Variants in KCNQ5 observed in about 807,000 individuals in gnomAD.
KCNQ5 encodes the protein potassium voltage-gated channel subfamily Q member 5.
Under a neutral mutation model 98.2 loss-of-function variants are expected in KCNQ5, and 30 were observed. The observed-to-expected ratio is 0.31, with a 90% CI of 0.23 to 0.41. The LOEUF is 0.41. Ranked by LOEUF, KCNQ5 falls within the 10% of genes least tolerant of loss-of-function variation. The probability of loss-of-function intolerance (pLI) is 1.00; values close to 1 mark genes in which losing one functional copy is unlikely to be tolerated. For missense variants in KCNQ5, 835 were observed against 1,182.5 expected, an observed-to-expected ratio of 0.71 and a Z score of 4.31; for synonymous variants, 458 against 449.4, an observed-to-expected ratio of 1.02 and a Z score of -0.24.
intron 10 of KCNQ5, among the ~76,000 whole-genome samples, chr6:73,137,877 T>TC (rs1350522661): frequency 6.6e-6 from 1 of 152,084 alleles, no homozygotes; most frequent in Non-Finnish European, 1.5e-5. Flanking sequence ...TTTCATTTCT[T>TC]CCCCTCCCCC....
chr6:72,866,278 C>T (rs1312174928), intron 1 of KCNQ5, among the ~76,000 whole-genome samples: 10 of 108,898 alleles, frequency 9.2e-5, no homozygotes, highest in East Asian at 9.0e-4. Context: ...TTTTTTGAAA[C>T]GGTCTCACTC....
intron 1 of KCNQ5, among the ~76,000 whole-genome samples, chr6:72,746,062 T>G (rs1771381590): frequency 1.3e-5 from 1 of 74,432 alleles, no homozygotes; most frequent in African/African-American, 5.8e-5. Context: ...AGACTCTATT[T>G]GCAAAAAAAA....
chr6:72,828,489 T>G (rs185868706), intron 1 of KCNQ5, among the ~76,000 whole-genome samples: 66 of 152,272 alleles, frequency 4.3e-4, no homozygotes, highest in Admixed American at 7.2e-4. Context: ...TTGTAGCTAT[T>G]GTAAATGAGA....
chr6:72,831,740 AT>A (rs35875911), intron 1 of KCNQ5, among the ~76,000 whole-genome samples: 31,588 of 146,740 alleles, frequency 0.22, 3,942 homozygotes, highest in Non-Finnish European at 0.28. Context: ...TAAAAAAAAA[AT>A]AAAATAAAAT....
intron 1 of KCNQ5, among the ~76,000 whole-genome samples, chr6:72,686,749 T>G (rs1436825235): frequency 6.6e-6 from 1 of 150,710 alleles, no homozygotes; most frequent in Non-Finnish European, 1.5e-5. Context: ...CTTTTAAGTC[T>G]TTGATACATC....
intron 1 of KCNQ5, among the ~76,000 whole-genome samples, chr6:72,724,224 T>A (rs955573399): frequency 6.6e-6 from 1 of 152,184 alleles, no homozygotes; most frequent in Non-Finnish European, 1.5e-5. Flanking sequence ...TTGGTAGTAA[T>A]ACTACTTTTG....
At chr6:73,087,109 G>T (rs972121710) in intron 5 of KCNQ5, among the ~76,000 whole-genome samples, 1 of 152,146 alleles carries the variant, frequency 6.6e-6, no homozygotes, top group Non-Finnish European at 1.5e-5. Flanking sequence ...TTTTTAGATG[G>T]AAATAAGAAA....
At chr6:72,894,158 C>T (rs1338036682) in intron 1 of KCNQ5, among the ~76,000 whole-genome samples, 49 of 152,268 alleles carry the variant, frequency 3.2e-4, no homozygotes, top group African/African-American at 1.2e-3. Flanking sequence ...TAACATTTAT[C>T]ATCTCTATTG....
chr6:73,063,729 A>AGATAGATAGAT (rs1562156368), intron 3 of KCNQ5, among the ~76,000 whole-genome samples: 23 of 110,610 alleles, frequency 2.1e-4, no homozygotes, highest in African/African-American at 3.0e-4. Flanking sequence ...GATGATAGAT[A>AGATAGATAGAT]GATAGATAGA....
At chr6:73,041,832 A>C (rs1771717139) in intron 2 of KCNQ5, 104 bp from the exon 3 acceptor site, 1 of 1,250,678 alleles carries the variant, frequency 8.0e-7, no homozygotes, top group African/African-American at 1.5e-5. Flanking sequence ...TAACAACTAG[A>C]TCCTTTAGAC....
intron 1 of KCNQ5, among the ~76,000 whole-genome samples, chr6:72,634,716 C>T (rs2098922975): frequency 6.6e-6 from 1 of 152,108 alleles, no homozygotes; most frequent in Non-Finnish European, 1.5e-5. Flanking sequence ...TAGGCTCCCG[C>T]CACCACGCCT....
At chr6:72,655,631 G>A (rs960667868) in intron 1 of KCNQ5, among the ~76,000 whole-genome samples, 2 of 152,132 alleles carry the variant, frequency 1.3e-5, no homozygotes, top group Non-Finnish European at 2.9e-5. Context: ...GTTGACTGAA[G>A]AAAAAGGGAC....
At position 72,770,975 on chromosome 6, in the gene KCNQ5, C is replaced by T. The variant is rs1450157171; in HGVS notation, c.398+148388C>T. Among the ~76,000 whole-genome samples, 4 of 152,014 alleles carry T rather than the reference C, an allele frequency of 2.6e-5. No individual in the cohort carries two copies. In the East Asian group the frequency reaches 5.8e-4, roughly 22 times the overall value. ...GAGAGAAATATGAAATTCTCTCAGC[C>T]CTCAAGGGACCCTCGATCTAGAAGG... On this transcript the variant is annotated intron_variant, in intron 1 of 13. Coordinates refer to ENST00000370398, the MANE Select transcript of KCNQ5 (RefSeq NM_019842.4).
chr6:73,074,093 T>C (rs1430656253), intron 3 of KCNQ5, among the ~76,000 whole-genome samples: 2 of 152,228 alleles, frequency 1.3e-5, no homozygotes, highest in Non-Finnish European at 2.9e-5. Flanking sequence ...ATTTATCTTA[T>C]TTAAATATTT....
intron 1 of KCNQ5, among the ~76,000 whole-genome samples, chr6:72,787,610 A>C (rs928549463): frequency 6.6e-6 from 1 of 152,186 alleles, no homozygotes; most frequent in African/African-American, 2.4e-5. Flanking sequence ...GTTGTGTGGA[A>C]ATCATGGATG....
At chr6:72,928,324 C>T (rs1765534861) in intron 1 of KCNQ5, among the ~76,000 whole-genome samples, 1 of 151,970 alleles carries the variant, frequency 6.6e-6, no homozygotes, top group Non-Finnish European at 1.5e-5. Context: ...AAAATATGCC[C>T]AGTGATGTAG....
intron 1 of KCNQ5, among the ~76,000 whole-genome samples, chr6:72,854,758 T>TTGTGTGTGTGTGTGTGTGTGTGTG (rs34867008): frequency 1.6e-3 from 206 of 127,142 alleles, no homozygotes; most frequent in African/African-American, 5.9e-3. Flanking sequence ...ACACCATGGT[T>TTGTGTGTGTGTGTGTGTGTGTGTG]TGTGTGTGTG....
intron 2 of KCNQ5, among the ~76,000 whole-genome samples, chr6:73,038,029 T>C (rs571852921): frequency 1.4e-4 from 21 of 152,222 alleles, no homozygotes; most frequent in African/African-American, 5.1e-4. Flanking sequence ...TCCTCACTTA[T>C]TTAGGTCTTT....
intron 1 of KCNQ5, among the ~76,000 whole-genome samples, chr6:72,781,561 C>T (rs1198082448): frequency 1.3e-5 from 2 of 152,128 alleles, no homozygotes; most frequent in Non-Finnish European, 2.9e-5. Flanking sequence ...TTGCATTTCA[C>T]TGTCATTTGC....
Sources: gnomAD v4.1 joint callset for allele counts (sites outside exome capture counted in the v4.1 genomes callset) on GRCh38, gnomAD v4.1.1 for gene constraint, MANE v1.5 for transcripts, NCBI Gene and HGNC (gene_info 2026-07-23, HGNC 2026-07-21) for gene names.